ATP2B2: variants seen among roughly 807,000 people sequenced by gnomAD.
The protein encoded by ATP2B2 is ATPase plasma membrane Ca2+ transporting 2.
In ATP2B2, 15 loss-of-function variants were observed where a neutral mutation model predicts 120.0. That is an observed-to-expected ratio of 0.12 (90% CI 0.08 to 0.19). ATP2B2 has a LOEUF of 0.19. Ranked by LOEUF, ATP2B2 falls within the 10% of genes least tolerant of loss-of-function variation. The probability of loss-of-function intolerance (pLI) is 1.00; values close to 1 mark genes in which losing one functional copy is unlikely to be tolerated. For synonymous variants in ATP2B2, 694 were observed against 700.3 expected (o/e 0.99, Z 0.14); for missense variants, 1,045 against 1,719.8 (o/e 0.61, Z 6.94).
At position 10,662,139 on chromosome 3, in the gene ATP2B2, T is replaced by C. The variant is rs138126497; in HGVS notation, c.-459-42178A>G. Among the ~76,000 whole-genome samples the C allele has an allele frequency of 6.3e-3, 953 of 152,122 alleles. 9 individuals are homozygous for C. Among genetic ancestry groups the C allele is most frequent in the African/African-American group, 0.022 (905 of 41,462 alleles). On this transcript the variant is annotated intron_variant, in intron 1 of 21. Transcript: ENST00000646379. ...GACTTAAATGTTAGACCTAAAACCATAAAAACCCTAGAAGAAAACCTAGGC... is the reference window on the plus strand; with the variant it reads ...GACTTAAATGTTAGACCTAAAACCACAAAAACCCTAGAAGAAAACCTAGGC...
At chr3:10,554,189 T>C (rs1460953861) in intron 2 of ATP2B2, among the ~76,000 whole-genome samples, 1 of 152,154 alleles carries the variant, frequency 6.6e-6, no homozygotes. Context: ...CCTCTCACTT[T>C]GTTTTCAAAG....
Position 10,329,272 on chromosome 3 carries a change from A to C in ATP2B2, c.3421-147T>G. 9.9e-6 allele frequency: 8 copies of C among 809,622 alleles called. No individual in the cohort carries two copies. Among genetic ancestry groups the C allele is most frequent in the East Asian group, 5.1e-5 (2 of 39,052 alleles). The allele number at this position is 809,622 out of a possible 1,614,324, so 50.2% of individuals were successfully genotyped here. On this transcript the variant is annotated intron_variant, in intron 22 of 22. Coordinates refer to ENST00000360273, the MANE Select transcript of ATP2B2 (RefSeq NM_001001331.4). The surrounding 1 kb of genome is among the most constrained non-coding windows in gnomAD (Gnocchi z 5.9). ...GCTGGGTGTTATTAGCATTGACAGGATGGGGGAGAGTGAAAAAGGGGGCTC... is the reference window on the plus strand; with the variant it reads ...GCTGGGTGTTATTAGCATTGACAGGCTGGGGGAGAGTGAAAAAGGGGGCTC...
At chr3:10,352,004 C>T (rs980263649) in intron 14 of ATP2B2, among the ~76,000 whole-genome samples, 2 of 152,232 alleles carry the variant, frequency 1.3e-5, no homozygotes, top group African/African-American at 2.4e-5. Flanking sequence ...GACTTTGATA[C>T]GGCAGCCCTA....
chr3:10,666,653 A>G (rs116076495), intron 1 of ATP2B2, among the ~76,000 whole-genome samples: 74 of 152,352 alleles, frequency 4.9e-4, no homozygotes, highest in African/African-American at 1.7e-3. Flanking sequence ...TCAGCTGAGC[A>G]CATAGTAAGA....
At chr3:10,499,372 C>T (rs1024439071) in intron 1 of ATP2B2, among the ~76,000 whole-genome samples, 7 of 152,146 alleles carry the variant, frequency 4.6e-5, no homozygotes, top group Admixed American at 2.6e-4. Context: ...CCTTGGTTTA[C>T]GGAGGAGCAA....
At chr3:10,665,186 T>C (rs1559511169) in intron 1 of ATP2B2, among the ~76,000 whole-genome samples, 1 of 152,218 alleles carries the variant, frequency 6.6e-6, no homozygotes, top group Admixed American at 6.5e-5. Flanking sequence ...GGATGAAGAA[T>C]AAAATCCATA....
intron 1 of ATP2B2, among the ~76,000 whole-genome samples, chr3:10,632,529 C>T (rs972870024): frequency 2.0e-5 from 3 of 152,224 alleles, no homozygotes; most frequent in Non-Finnish European, 4.4e-5. Context: ...ACAGTAGGTG[C>T]GTCACAAATT....
chr3:10,636,262 C>T (rs2070019081), intron 1 of ATP2B2, among the ~76,000 whole-genome samples: 2 of 152,182 alleles, frequency 1.3e-5, no homozygotes, highest in African/African-American at 4.8e-5. Flanking sequence ...GACCTGCAGA[C>T]AGAAATGCAA....
intron 2 of ATP2B2, among the ~76,000 whole-genome samples, chr3:10,536,888 T>C (rs552235337): frequency 1.3e-5 from 2 of 152,326 alleles, no homozygotes; most frequent in East Asian, 3.9e-4. Context: ...CATGGTCCAT[T>C]ATGAGTTAAT....
chr3:10,438,501 TTGCCTGC>T (rs1367557513), intron 2 of ATP2B2, among the ~76,000 whole-genome samples: 1 of 152,198 alleles, frequency 6.6e-6, no homozygotes, highest in Non-Finnish European at 1.5e-5. Context: ...GACATCTTCT[TTGCCTGC>T]TGCCTGCTCT....
chr3:10,654,326 T>G (rs907313291), intron 1 of ATP2B2, among the ~76,000 whole-genome samples: 13 of 152,186 alleles, frequency 8.5e-5, no homozygotes, highest in African/African-American at 3.1e-4. Context: ...TCGGTTCATC[T>G]TGTAACCCAG....
chr3:10,637,563 T>C (rs904424682), intron 1 of ATP2B2, among the ~76,000 whole-genome samples: 1 of 152,162 alleles, frequency 6.6e-6, no homozygotes, highest in African/African-American at 2.4e-5. Context: ...ATTAGTGAAC[T>C]TGAAGATAGC....
intron 1 of ATP2B2, among the ~76,000 whole-genome samples, chr3:10,485,005 G>T (rs1338055479): frequency 6.6e-6 from 1 of 152,178 alleles, no homozygotes; most frequent in Non-Finnish European, 1.5e-5. Context: ...GCCTTAAGCT[G>T]ACCTGACGCA....
chr3:10,471,695 G>A (rs1444535186), intron 1 of ATP2B2, among the ~76,000 whole-genome samples: 1 of 151,996 alleles, frequency 6.6e-6, no homozygotes, highest in East Asian at 1.9e-4. Context: ...TAATTAGTGT[G>A]ATTTGATCAT....
rs73129216 is a variant in ATP2B2, at chr3:10,344,099, C to T, written c.2704-1134G>A. On this transcript the variant is annotated intron_variant, in intron 18 of 22. Coordinates refer to ENST00000360273, the MANE Select transcript of ATP2B2 (RefSeq NM_001001331.4). Reference sequence around the variant, plus strand: ...TCTCACCTCCTCCTTGCCTCAGCCTCGCTCCCCTTGCCCCCGTCCTCCCCA... The same window carrying T: ...TCTCACCTCCTCCTTGCCTCAGCCTTGCTCCCCTTGCCCCCGTCCTCCCCA... Among the ~76,000 whole-genome samples the T allele has an allele frequency of 2.3e-3, 353 of 152,228 alleles. 2 individuals carry two copies. The highest frequency in any genetic ancestry group is 8.1e-3 in the African/African-American group (337 of 41,546).
chr3:10,433,639 T>C (rs1318586265), intron 2 of ATP2B2, among the ~76,000 whole-genome samples: 1 of 152,190 alleles, frequency 6.6e-6, no homozygotes, highest in Non-Finnish European at 1.5e-5. Flanking sequence ...TTATAGGGTC[T>C]TGTAGAGTGC....
intron 1 of ATP2B2, among the ~76,000 whole-genome samples, chr3:10,458,198 G>C (rs1315077814): frequency 6.6e-6 from 1 of 152,102 alleles, no homozygotes; most frequent in Non-Finnish European, 1.5e-5. Context: ...AAACTAATGA[G>C]CTGCATCACA....
At chr3:10,525,694 C>G (rs559343552) in intron 3 of ATP2B2, among the ~76,000 whole-genome samples, 1 of 152,160 alleles carries the variant, frequency 6.6e-6, no homozygotes, top group Admixed American at 6.5e-5. Context: ...ATTCGAATAC[C>G]TCAGAAGGGG....
At chr3:10,702,971 C>T (rs748423972) in intron 1 of ATP2B2, among the ~76,000 whole-genome samples, 37 of 152,194 alleles carry the variant, frequency 2.4e-4, no homozygotes, top group Non-Finnish European at 4.4e-4. Flanking sequence ...GTCACAGAGC[C>T]CTCTGGAAGC....
Sources: allele counts gnomAD v4.1 joint callset (sites outside exome capture counted in the v4.1 genomes callset), GRCh38; gene constraint gnomAD v4.1.1; non-coding constraint Gnocchi (gnomAD v3.1); transcripts MANE v1.5; gene names NCBI Gene and HGNC (gene_info 2026-07-23, HGNC 2026-07-21).